Variants in MAN1C1 observed in about 807,000 individuals in gnomAD.
MAN1C1 encodes the protein mannosyl-oligosaccharide 1,2-alpha-mannosidase IC.
A neutral mutation model predicts 71.5 loss-of-function variants in MAN1C1; 49 were observed. That is an observed-to-expected ratio of 0.69 (90% CI 0.54 to 0.87). The LOEUF is 0.87. Ranked by LOEUF, MAN1C1 falls within the 40% of genes least tolerant of loss-of-function variation. The probability of loss-of-function intolerance (pLI) is 0.00; values close to 1 mark genes in which losing one functional copy is unlikely to be tolerated. For missense variants in MAN1C1, 743 were observed against 835.0 expected, an observed-to-expected ratio of 0.89 and a Z score of 1.36; for synonymous variants, 352 against 343.7, an observed-to-expected ratio of 1.02 and a Z score of -0.27.
intron 1 of MAN1C1, among the ~76,000 whole-genome samples, chr1:25,684,095 A>G (rs983286284): frequency 3.3e-5 from 5 of 152,000 alleles, no homozygotes; most frequent in African/African-American, 9.7e-5. Flanking sequence ...GGTAGGGGGA[A>G]TTTTCAGGGT....
chr1:25,692,545 C>T (rs1265388693), intron 2 of MAN1C1, among the ~76,000 whole-genome samples: 2 of 152,134 alleles, frequency 1.3e-5, no homozygotes, highest in African/African-American at 4.8e-5. Flanking sequence ...TGCCTCACAG[C>T]CCTTATAAAA....
At chr1:25,780,880 A>G in intron 9 of MAN1C1, 60 bp from the exon 10 acceptor site, 2 of 1,564,392 alleles carry the variant, frequency 1.3e-6, no homozygotes, top group Non-Finnish European at 1.7e-6. Flanking sequence ...TCTCTCCTGG[A>G]TCCCGAAAAG....
At chr1:25,692,543 A>T (rs969889506) in intron 2 of MAN1C1, among the ~76,000 whole-genome samples, 5 of 152,132 alleles carry the variant, frequency 3.3e-5, no homozygotes, top group African/African-American at 1.2e-4. Context: ...TCTGCCTCAC[A>T]GCCCTTATAA....
rs1399450391 is a variant in MAN1C1, at chr1:25,781,098, T to A, written c.1636T>A (p.Trp546Arg). ...CAACCCCATCTACAGGGAGTGGGGC[T>A]GGGAGGTGGTGCTGGTGAGTGGGCC... ...THNPIYREWGWEVVLALEKYC... is the reference protein window; with the variant it reads ...THNPIYREWGREVVLALEKYC... The change falls in exon 10 of 12, where the codon TGG becomes AGG. Residue 546 changes from tryptophan (W) to arginine (R), a missense_variant. Physicochemically the swap from Trp to Arg is moderately radical, Grantham distance 101. Transcript: ENST00000374332. 6.2e-7 allele frequency: 1 copy of A among 1,613,758 alleles called. No homozygotes were observed. The highest frequency in any genetic ancestry group is 1.7e-5 in the Admixed American group (1 of 59,988).
At position 25,746,822 on chromosome 1, in the gene MAN1C1, C is replaced by G. The variant is rs769191800; in HGVS notation, c.753+39C>G. On this transcript the variant is annotated intron_variant, in intron 3 of 11. Transcript: ENST00000374332. The surrounding 1 kb of genome is among the most constrained non-coding windows in gnomAD (Gnocchi z 4.0). ...CCTCGGCGGGGGAGGGGGGCGGGGG[C>G]CAGAAGAGGCCCAACAGCCAGCTTC... The G allele has an allele frequency of 1.6e-6, 2 of 1,280,612 alleles. No homozygotes were observed. Among genetic ancestry groups the G allele is most frequent in the African/African-American group, 2.9e-5 (2 of 67,832 alleles). 79.3% of individuals were successfully genotyped at this position (1,280,612 alleles called of 1,614,324 possible). A position where few individuals can be genotyped will look rare whatever the true frequency, so the allele number is the denominator to read the frequency against.
chr1:25,767,257 CCT>C (rs2047442475), intron 7 of MAN1C1, among the ~76,000 whole-genome samples: 1 of 145,650 alleles, frequency 6.9e-6, no homozygotes, highest in Non-Finnish European at 1.5e-5. Context: ...TCCACACTCC[CCT>C]CACACACACA....
intron 2 of MAN1C1, among the ~76,000 whole-genome samples, chr1:25,714,307 C>G (rs1319666084): frequency 1.3e-5 from 2 of 152,128 alleles, no homozygotes; most frequent in Non-Finnish European, 2.9e-5. Context: ...CTAATACACA[C>G]TTTTATCCCT....
intron 1 of MAN1C1, among the ~76,000 whole-genome samples, chr1:25,662,935 T>C (rs757330071): frequency 6.6e-6 from 1 of 151,810 alleles, no homozygotes; most frequent in Non-Finnish European, 1.5e-5. Context: ...GGCAGGCACC[T>C]GTAGTCCCAG....
chr1:25,670,694 G>A (rs529108495), intron 1 of MAN1C1, among the ~76,000 whole-genome samples: 1 of 152,212 alleles, frequency 6.6e-6, no homozygotes, highest in Non-Finnish European at 1.5e-5. Context: ...AAGAGACAAA[G>A]CTTTCTGAAT....
intron 2 of MAN1C1, among the ~76,000 whole-genome samples, chr1:25,742,774 T>A (rs2047079611): frequency 6.6e-6 from 1 of 152,146 alleles, no homozygotes; most frequent in Non-Finnish European, 1.5e-5. Context: ...GATTTGAACA[T>A]CTCCCTGACA....
intron 1 of MAN1C1, among the ~76,000 whole-genome samples, chr1:25,646,988 C>T (rs1420876969): frequency 6.6e-6 from 1 of 152,142 alleles, no homozygotes; most frequent in Non-Finnish European, 1.5e-5. Flanking sequence ...GGGGAACGGT[C>T]AGACTGTTTC....
chr1:25,720,758 A>T (rs118173384), intron 2 of MAN1C1, among the ~76,000 whole-genome samples: 14 of 152,218 alleles, frequency 9.2e-5, no homozygotes, highest in Non-Finnish European at 1.8e-4. Flanking sequence ...ACCCAAGGTC[A>T]TGAACATAAT....
chr1:25,783,529 T>A, intron 11 of MAN1C1, 134 bp from the exon 12 acceptor site: 1 of 939,224 alleles, frequency 1.1e-6, no homozygotes, highest in South Asian at 1.6e-5. Context: ...CTGCCCACAG[T>A]TTTGGGGTTG....
At chr1:25,662,493 G>A (rs1054406209) in intron 1 of MAN1C1, among the ~76,000 whole-genome samples, 4 of 152,160 alleles carry the variant, frequency 2.6e-5, no homozygotes, top group African/African-American at 9.7e-5. Flanking sequence ...ATTTTCTCGT[G>A]TCACAGACTC....
At chr1:25,698,753 C>G (rs2046398691) in intron 2 of MAN1C1, among the ~76,000 whole-genome samples, 1 of 151,738 alleles carries the variant, frequency 6.6e-6, no homozygotes, top group East Asian at 2.0e-4. Context: ...AGTTTGAGAC[C>G]AGCCTGGCCA....
rs2046821222 is a variant in MAN1C1, at chr1:25,725,551, G to A, written c.638-21117G>A. ...GCACAGCACGTGCAAGGGCATGGTG[G>A]CGTGAGAGTACAGGAGTACTTGTTA... On this transcript the variant is annotated intron_variant, in intron 2 of 11. Coordinates refer to ENST00000374332, the MANE Select transcript of MAN1C1 (RefSeq NM_020379.4). This position sits in a 1 kb window ranked among gnomAD's most constrained non-coding sequence, Gnocchi z 4.8. Among the ~76,000 whole-genome samples the A allele has an allele frequency of 6.6e-6, 1 of 152,204 alleles. No homozygotes were observed. The highest frequency in any genetic ancestry group is 1.5e-5 in the Non-Finnish European group (1 of 68,034).
At chr1:25,645,570 T>C (rs72873795) in intron 1 of MAN1C1, 47 of 152,346 alleles carry the variant, frequency 3.1e-4, no homozygotes, top group African/African-American at 1.1e-3. Context: ...TATTTTGTCT[T>C]TACTCAGTGA....
chr1:25,753,486 G>A lies in MAN1C1; in HGVS notation c.837G>A (p.Val279=). 1 of 1,612,924 alleles carries A rather than the reference G, an allele frequency of 6.2e-7. No individual in the cohort carries two copies. The highest frequency in any genetic ancestry group is 8.5e-7 in the Non-Finnish European group (1 of 1,179,208). ...CCCTTTGATCCCCTCCTTTACAGGT[G>A]TTCCGAATAAAGGCCATCAGGCTGG... ...LSAFYLTGEE[V]FRIKAIRLGE... The change falls in exon 5 of 12, where the codon GTG becomes GTA. Residue 279 remains valine, a splice_region_variant and synonymous_variant. Coordinates refer to ENST00000374332, the MANE Select transcript of MAN1C1 (RefSeq NM_020379.4). This position sits in a 1 kb window ranked among gnomAD's most constrained non-coding sequence, Gnocchi z 4.9.
At chr1:25,718,586 C>T (rs2046715442) in intron 2 of MAN1C1, among the ~76,000 whole-genome samples, 1 of 152,226 alleles carries the variant, frequency 6.6e-6, no homozygotes, top group African/African-American at 2.4e-5. Context: ...ATCACAGTCG[C>T]TTCCCATTTC....
Sources: gnomAD v4.1 joint callset for allele counts (sites outside exome capture counted in the v4.1 genomes callset) on GRCh38, gnomAD v4.1.1 for gene constraint, Gnocchi (gnomAD v3.1) non-coding constraint, MANE v1.5 for transcripts, NCBI Gene and HGNC (gene_info 2026-07-23, HGNC 2026-07-21) for gene names.